The following UNC13C variants were observed in gnomAD, a reference collection of about 807,000 sequenced individuals.
UNC13C encodes the protein protein unc-13 homolog C.
Under a neutral mutation model 245.4 loss-of-function variants are expected in UNC13C, and 174 were observed. The observed-to-expected ratio is 0.71, with a 90% CI of 0.63 to 0.80. UNC13C has a LOEUF of 0.80. UNC13C is among the 30% of genes least tolerant of loss of function. The pLI is 0.00. For synonymous variants in UNC13C, 992 were observed against 895.1 expected (o/e 1.11, Z -1.93); for missense variants, 2,829 against 2,602.9 (o/e 1.09, Z -1.89).
downstream of UNC13C, chr15:54,632,377 A>G (rs1228137084): frequency 6.6e-6 from 1 of 152,152 alleles, no homozygotes; most frequent in Non-Finnish European, 1.5e-5. Flanking sequence ...TTTATAGATC[A>G]TAGCTTTGCT....
chr15:53,864,847 T>TA, the UNC13C span, among the ~76,000 whole-genome samples: 6 of 152,218 alleles, frequency 3.9e-5, no homozygotes, highest in African/African-American at 1.4e-4. Context: ...GTTGTTTGAC[T>TA]ATCATGCAAT....
intron 1 of UNC13C, among the ~76,000 whole-genome samples, chr15:53,986,330 G>A (rs1426408964): frequency 4.6e-5 from 7 of 151,962 alleles, no homozygotes; most frequent in Middle Eastern, 3.2e-3. Flanking sequence ...TTTGAGCCTA[G>A]CTTTGTAAGT....
intron 24 of UNC13C, among the ~76,000 whole-genome samples, chr15:54,521,667 G>T (rs1895219562): frequency 6.6e-6 from 1 of 152,136 alleles, no homozygotes; most frequent in Non-Finnish European, 1.5e-5. Context: ...ACAAATAGCA[G>T]GGAAACACCT....
chr15:54,529,638 T>G (rs1208763139), intron 25 of UNC13C, among the ~76,000 whole-genome samples: 3 of 152,206 alleles, frequency 2.0e-5, no homozygotes, highest in Non-Finnish European at 4.4e-5. Context: ...CATTATATAG[T>G]GAACATTCCT....
At chr15:54,221,199 C>A (rs949876141) in intron 4 of UNC13C, among the ~76,000 whole-genome samples, 15 of 151,954 alleles carry the variant, frequency 9.9e-5, no homozygotes, top group Admixed American at 9.8e-4. Flanking sequence ...AATTTAAATT[C>A]TAATTGCTAA....
At chr15:53,857,440 G>A in the UNC13C span, among the ~76,000 whole-genome samples, 3 of 152,146 alleles carry the variant, frequency 2.0e-5, no homozygotes. Context: ...AGATGGCAAG[G>A]CTATCCTAAA....
intron 29 of UNC13C, among the ~76,000 whole-genome samples, chr15:54,558,919 A>C (rs1184228409): frequency 6.6e-6 from 1 of 152,054 alleles, no homozygotes; most frequent in Non-Finnish European, 1.5e-5. Flanking sequence ...TATCTCAAGA[A>C]GACTCAGGAC....
At chr15:53,858,187 G>A in the UNC13C span, among the ~76,000 whole-genome samples, 2 of 152,018 alleles carry the variant, frequency 1.3e-5, no homozygotes, top group Non-Finnish European at 2.9e-5. Flanking sequence ...ATATTATCTA[G>A]CATTCCATCA....
At chr15:53,894,563 C>A in the UNC13C span, among the ~76,000 whole-genome samples, 1 of 152,130 alleles carries the variant, frequency 6.6e-6, no homozygotes, top group South Asian at 2.1e-4. Flanking sequence ...CCCTCTTACG[C>A]CTTGAATGGA....
At chr15:53,861,948 T>C in the UNC13C span, among the ~76,000 whole-genome samples, 1 of 152,142 alleles carries the variant, frequency 6.6e-6, no homozygotes, top group South Asian at 2.1e-4. Flanking sequence ...GGTATGTTGC[T>C]ACTAGCCAGT....
intron 15 of UNC13C, among the ~76,000 whole-genome samples, chr15:54,333,468 A>T (rs79883427): frequency 6.6e-6 from 1 of 152,076 alleles, no homozygotes; most frequent in African/African-American, 2.4e-5. Context: ...TAGCAAGACT[A>T]TTTTAGAAGC....
intron 4 of UNC13C, among the ~76,000 whole-genome samples, chr15:54,162,369 T>C (rs945861028): frequency 6.6e-6 from 1 of 152,154 alleles, no homozygotes; most frequent in Non-Finnish European, 1.5e-5. Context: ...TATGCAATCA[T>C]GGATAGACAG....
At chr15:54,476,651 C>G (rs1010350533) in intron 19 of UNC13C, among the ~76,000 whole-genome samples, 2 of 151,772 alleles carry the variant, frequency 1.3e-5, no homozygotes, top group Admixed American at 6.6e-5. Context: ...GGGCTCTGTT[C>G]TGTTCCATTG....
At chr15:54,236,817 T>C (rs1349324609) in intron 6 of UNC13C, among the ~76,000 whole-genome samples, 1 of 152,198 alleles carries the variant, frequency 6.6e-6, no homozygotes, top group Non-Finnish European at 1.5e-5. Context: ...TGAGGAGATA[T>C]GTATATGACC....
At chr15:53,862,679 G>T in the UNC13C span, among the ~76,000 whole-genome samples, 1 of 152,102 alleles carries the variant, frequency 6.6e-6, no homozygotes, top group Admixed American at 6.6e-5. Context: ...CGACTGTTCT[G>T]GTTGCTACTA....
At chr15:54,469,572 AT>A (rs1370980125) in intron 19 of UNC13C, among the ~76,000 whole-genome samples, 1 of 151,584 alleles carries the variant, frequency 6.6e-6, no homozygotes, top group African/African-American at 2.4e-5. Flanking sequence ...ATTAATGCAT[AT>A]CCTTTCATAT....
At chr15:53,842,093 G>GT in the UNC13C span, among the ~76,000 whole-genome samples, 1 of 152,146 alleles carries the variant, frequency 6.6e-6, no homozygotes, top group Non-Finnish European at 1.5e-5. Context: ...GAAGCTTTCA[G>GT]TAAAGTGCTT....
At chr15:53,969,504 G>A in the UNC13C span, among the ~76,000 whole-genome samples, 11 of 151,870 alleles carry the variant, frequency 7.2e-5, no homozygotes, top group Non-Finnish European at 4.4e-5. Context: ...TCAATATAGT[G>A]AGACCCTGTC....
At chr15:53,913,062 G>T in the UNC13C span, 1 of 152,260 alleles carries the variant, frequency 6.6e-6, no homozygotes, top group Non-Finnish European at 1.5e-5. Context: ...TCATGGGAGG[G>T]TGACGACGGA....
Sources: allele counts gnomAD v4.1 joint callset (sites outside exome capture counted in the v4.1 genomes callset), GRCh38; gene constraint gnomAD v4.1.1; transcripts MANE v1.5; gene names NCBI Gene and HGNC (gene_info 2026-07-23, HGNC 2026-07-21).